Variants in MAN1B1 observed in about 807,000 individuals in gnomAD.
MAN1B1 encodes the protein endoplasmic reticulum mannosyl-oligosaccharide 1,2-alpha-mannosidase.
In MAN1B1, 66 loss-of-function variants were observed where a neutral mutation model predicts 75.5. The ratio of observed to expected loss-of-function variants is 0.87; its 90% CI spans 0.72 to 1.07. The LOEUF (loss-of-function observed/expected upper bound fraction) is 1.07, where lower values mean the gene tolerates loss of function less well. MAN1B1 is among the 50% of genes least tolerant of loss of function. MAN1B1 has a pLI of 0.00. For missense variants in MAN1B1, 973 were observed against 912.5 expected (o/e 1.07, Z -0.85); for synonymous variants, 453 against 382.8 (o/e 1.18, Z -2.14).
rs754107444 is a variant in MAN1B1 at position 137,107,309 on chromosome 9, C to T, written c.1626C>T (p.Pro542=). Residue 542 remains proline, a synonymous_variant, in exon 11 of 13, where the codon CCC becomes CCT. Transcript: ENST00000371589. ...CTCTGGGCGTCTACCACGGCCTGCC[C>T]GCCAGCCACATGGAGCTGGCCCAGG... ...TLALGVYHGL[P]ASHMELAQEL... is the part of the protein sequence containing the mutation. 5.6e-6 allele frequency: 9 copies of T among 1,613,034 alleles called. No individual in the cohort carries two copies. The East Asian group carries it at 6.7e-5, about 12-fold the overall frequency.
Position 137,099,816 on chromosome 9 carries a change from G to T in MAN1B1, c.851G>T (p.Trp284Leu). 2 of 1,614,224 alleles carry T rather than the reference G, an allele frequency of 1.2e-6. No individual in the cohort carries two copies. The highest frequency in any genetic ancestry group is 1.1e-5 in the South Asian group (1 of 91,086). The change falls in exon 6 of 13, where the codon TGG becomes TTG. Residue 284 changes from tryptophan (W) to leucine (L), a missense_variant. By Grantham distance (61) the Trp-to-Leu change is moderately conservative. Coordinates refer to ENST00000371589, the MANE Select transcript of MAN1B1 (RefSeq NM_016219.5). ...CCTGTGTCCAGGTCCTTCAGTGAGT[G>T]GTTTGGCCTCGGTCTCACACTGATC... ...LKPVSRSFSE[W>L]FGLGLTLIDA...
chr9:137,101,156 A>G lies in MAN1B1; in HGVS notation c.1065+3A>G. Reference sequence around the variant, plus strand: ...ACAGCCTCTTCCTGAGGAAAGCTGTAAGTGTCTTGGGGTGTCCTGCAGGGA... The same window carrying G: ...ACAGCCTCTTCCTGAGGAAAGCTGTGAGTGTCTTGGGGTGTCCTGCAGGGA... On this transcript the variant is annotated splice_donor_region_variant and intron_variant, in intron 7 of 12. Transcript: ENST00000371589. The G allele has an allele frequency of 6.2e-7, 1 of 1,613,690 alleles. No individual in the cohort carries two copies. The highest frequency in any genetic ancestry group is 8.5e-7 in the Non-Finnish European group (1 of 1,180,024).
chr9:137,101,843 T>G lies in MAN1B1; in HGVS notation c.1254+171T>G, dbSNP rs561522246. On this transcript the variant is annotated intron_variant, in intron 8 of 12. Coordinates refer to ENST00000371589, the MANE Select transcript of MAN1B1 (RefSeq NM_016219.5). ...CCATTTCCAGGCGTGGTCGGTGGTG[T>G]TACATTCACGCTGTTGCAGGCGTGC... 4.3e-4 allele frequency: 363 copies of G among 843,062 alleles called. 1 individual carries two copies. Among genetic ancestry groups the G allele is most frequent in the African/African-American group, 4.1e-3 (245 of 59,778 alleles). 52.2% of individuals were successfully genotyped at this position (843,062 alleles called of 1,614,324 possible).
At position 137,106,168 on chromosome 9, in the gene MAN1B1, GGAA is replaced by G; in HGVS notation, c.1303_1305del (p.Lys435del). The G allele has an allele frequency of 6.2e-7, 1 of 1,612,950 alleles. No individual in the cohort carries two copies. Among genetic ancestry groups the G allele is most frequent in the Non-Finnish European group, 8.5e-7 (1 of 1,179,900 alleles). On this transcript the variant is annotated inframe_deletion, in exon 9 of 13. Coordinates refer to ENST00000371589, the MANE Select transcript of MAN1B1 (RefSeq NM_016219.5). Reference sequence around the variant, plus strand: ...ACACAGCACATCCACGGCCTGTCTGGGAAGAAGGATGGGCTGGTGCCCATGTTC... The same window carrying G: ...ACACAGCACATCCACGGCCTGTCTGGGAAGGATGGGCTGGTGCCCATGTTC...
chr9:137,102,013 T>G (rs1406081264), intron 8 of MAN1B1: 2 of 505,386 alleles, frequency 4.0e-6, no homozygotes, highest in African/African-American at 3.9e-5. Context: ...TTACACACAT[T>G]CATGCTGTTG....
At chr9:137,092,964 G>A (rs1376534293) in intron 3 of MAN1B1, among the ~76,000 whole-genome samples, 1 of 152,102 alleles carries the variant, frequency 6.6e-6, no homozygotes, top group Non-Finnish European at 1.5e-5. Flanking sequence ...TTTATTATTA[G>A]TATGACTGTT....
At chr9:137,108,015 GT>G in intron 12 of MAN1B1, 1 of 617,558 alleles carries the variant, frequency 1.6e-6, no homozygotes. Context: ...ACCAGGCCCT[GT>G]TTTAGGTCAC....
At chr9:137,099,662 T>G in intron 5 of MAN1B1, 34 bp from the exon 6 acceptor site, 1 of 1,612,162 alleles carries the variant, frequency 6.2e-7, no homozygotes, top group Non-Finnish European at 8.5e-7. Context: ...CAGGACCACG[T>G]CCGCCATGGC....
At chr9:137,097,986 G>A (rs1830701795) in intron 5 of MAN1B1, 49 bp downstream of exon 5, 1 of 1,408,632 alleles carries the variant, frequency 7.1e-7, no homozygotes, top group Non-Finnish European at 9.8e-7. Context: ...AGGGGCTGGT[G>A]GCTGATGGGT....
At chr9:137,103,780 A>C in intron 8 of MAN1B1, 1 of 440,510 alleles carries the variant, frequency 2.3e-6, no homozygotes, top group Non-Finnish European at 4.5e-6. Flanking sequence ...ACACTGTTGC[A>C]GGTGTGCAGG....
intron 8 of MAN1B1, 181 bp downstream of exon 8, chr9:137,101,853 G>A (rs199920246): frequency 1.9e-5 from 15 of 776,954 alleles, no homozygotes; most frequent in African/African-American, 8.8e-5. Context: ...TTACATTCAC[G>A]CTGTTGCAGG....
intron 12 of MAN1B1, chr9:137,107,912 G>T: frequency 1.5e-6 from 1 of 653,636 alleles, no homozygotes. Flanking sequence ...CATTTCTCAG[G>T]GCCTGTCTAG....
At chr9:137,087,636 T>C (rs1254543973) in intron 1 of MAN1B1, 2 of 418,610 alleles carry the variant, frequency 4.8e-6, no homozygotes, top group Non-Finnish European at 9.0e-6. Context: ...CCGAAGGGCA[T>C]TGATAACCAC....
chr9:137,100,935 A>T, intron 6 of MAN1B1, 70 bp from the exon 7 acceptor site: 3 of 1,575,586 alleles, frequency 1.9e-6, no homozygotes, highest in Non-Finnish European at 2.6e-6. Flanking sequence ...TATTTTGAAG[A>T]TGGATAGATA....
rs572725319 is a variant in MAN1B1, at chr9:137,089,976, A to G, written c.465+971A>G. ...AGACAGGTTTTAGGAGTCCCTAGGTATAGGTGGTTTGTGTCCTCTGGAAAC... is the reference window on the plus strand; with the variant it reads ...AGACAGGTTTTAGGAGTCCCTAGGTGTAGGTGGTTTGTGTCCTCTGGAAAC... On this transcript the variant is annotated intron_variant, in intron 3 of 12. Coordinates refer to ENST00000371589, the MANE Select transcript of MAN1B1 (RefSeq NM_016219.5). 2.6e-5 allele frequency among the ~76,000 whole-genome samples: 4 copies of G among 152,124 alleles called. No individual in the cohort carries two copies. In the East Asian group the frequency reaches 7.7e-4, roughly 29 times the overall value.
At chr9:137,104,385 C>G (rs1345821861) in intron 8 of MAN1B1, 1 of 293,812 alleles carries the variant, frequency 3.4e-6, no homozygotes, top group Non-Finnish European at 6.7e-6. Context: ...CAGGCGCCTG[C>G]CACCACGCCC....
chr9:137,093,009 C>A (rs1022881906), intron 3 of MAN1B1, among the ~76,000 whole-genome samples: 3 of 152,180 alleles, frequency 2.0e-5, no homozygotes, highest in Non-Finnish European at 2.9e-5. Context: ...ACCAAGTATG[C>A]TTCTTATGAC....
At chr9:137,091,215 G>C (rs1325653991) in intron 3 of MAN1B1, among the ~76,000 whole-genome samples, 1 of 152,232 alleles carries the variant, frequency 6.6e-6, no homozygotes, top group Admixed American at 6.5e-5. Flanking sequence ...TGCATATGGA[G>C]TATCGTAACT....
chr9:137,096,284 ACCC>A lies in MAN1B1; in HGVS notation c.516_518del (p.Pro173del), dbSNP rs774619574. On this transcript the variant is annotated inframe_deletion, in exon 4 of 13. Coordinates refer to ENST00000371589, the MANE Select transcript of MAN1B1 (RefSeq NM_016219.5). ...GGGGACCACCTCACCTGCAGATTAG[ACCC>A]CCAAGCCAAGACCTGAAGGATGGGA... 10 of 1,613,900 alleles carry A rather than the reference ACCC, an allele frequency of 6.2e-6. No homozygotes were observed. The South Asian group carries it at 1.1e-4, about 18-fold the overall frequency.
Sources: allele counts gnomAD v4.1 joint callset (sites outside exome capture counted in the v4.1 genomes callset), GRCh38; gene constraint gnomAD v4.1.1; transcripts MANE v1.5; gene names NCBI Gene and HGNC (gene_info 2026-07-23, HGNC 2026-07-21).